The following ANP32B variants were observed in gnomAD, a reference collection of about 807,000 sequenced individuals.
ANP32B encodes the protein acidic leucine-rich nuclear phosphoprotein 32 family member B.
In ANP32B, 6 loss-of-function variants were observed where a neutral mutation model predicts 32.2. The observed-to-expected ratio is 0.19, with a 90% CI of 0.10 to 0.37. The LOEUF (loss-of-function observed/expected upper bound fraction) is 0.37, where lower values mean the gene tolerates loss of function less well. ANP32B is among the 10% of genes least tolerant of loss of function. ANP32B has a pLI of 1.00. For synonymous variants in ANP32B, 98 were observed against 105.8 expected, an observed-to-expected ratio of 0.93 and a Z score of 0.45; for missense variants, 204 against 289.2, an observed-to-expected ratio of 0.71 and a Z score of 2.14.
At chr9:97,994,814 G>A (rs746441666) in intron 2 of ANP32B, 34 bp downstream of exon 2, 4 of 1,553,900 alleles carry the variant, frequency 2.6e-6, no homozygotes, top group South Asian at 2.4e-5. Flanking sequence ...AAAAGAGAAC[G>A]ATCCTGGGAA....
At chr9:98,004,294 A>G (rs1387978531) in intron 3 of ANP32B, among the ~76,000 whole-genome samples, 1 of 152,182 alleles carries the variant, frequency 6.6e-6, no homozygotes, top group Non-Finnish European at 1.5e-5. Context: ...TTACATCATA[A>G]AAGTCTGGTA....
intron 3 of ANP32B, among the ~76,000 whole-genome samples, chr9:98,001,957 A>C (rs1430015451): frequency 2.0e-5 from 3 of 152,166 alleles, no homozygotes; most frequent in Non-Finnish European, 4.4e-5. Flanking sequence ...CCAGAGTCAC[A>C]CACCCTGTGG....
chr9:97,990,460 C>G (rs147981389), intron 1 of ANP32B, among the ~76,000 whole-genome samples: 1 of 152,336 alleles, frequency 6.6e-6, no homozygotes, highest in Non-Finnish European at 1.5e-5. Flanking sequence ...TCCCATTCTC[C>G]TCTGTGCTTA....
At chr9:97,986,082 A>G (rs947561740) in intron 1 of ANP32B, among the ~76,000 whole-genome samples, 1 of 151,932 alleles carries the variant, frequency 6.6e-6, no homozygotes, top group Non-Finnish European at 1.5e-5. Context: ...CGGCCTCCCA[A>G]AGTGCTGGGA....
chr9:97,985,948 C>T (rs942441999), intron 1 of ANP32B, among the ~76,000 whole-genome samples: 1 of 152,154 alleles, frequency 6.6e-6, no homozygotes, highest in Middle Eastern at 3.2e-3. Context: ...CAACCTCCCG[C>T]GTAGCTGGGA....
At position 97,994,498 on chromosome 9, in the gene ANP32B, G is replaced by C. The variant is rs112155299; in HGVS notation, c.55-133G>C. The C allele has an allele frequency of 1.4e-3, 1,018 of 753,806 alleles. 10 individuals carry two copies. The African/African-American group carries it at 0.016, about 12-fold the overall frequency. The allele number at this position is 753,806 out of a possible 1,614,324, so 46.7% of individuals were successfully genotyped here. ...TCAGTTTTTATCTTTTTATAACTAT[G>C]ATCTAGGTCTAAGTAAGAGGCTGCC... On this transcript the variant is annotated intron_variant, in intron 1 of 6. Coordinates refer to ENST00000339399, the MANE Select transcript of ANP32B (RefSeq NM_006401.3).
In ANP32B at chr9:97,996,121, T is replaced by C. The variant is rs149762889; in HGVS notation, c.204+1341T>C. 3.4e-3 allele frequency among the ~76,000 whole-genome samples: 512 copies of C among 152,292 alleles called. 3 individuals carry two copies. Among genetic ancestry groups the C allele is most frequent in the African/African-American group, 0.012 (483 of 41,564 alleles). Reference sequence around the variant, plus strand: ...TACTAGAGGTTCAAGTATAATTCTTTTATATTTGCATGGGTTATCAGTGAC... The same window carrying C: ...TACTAGAGGTTCAAGTATAATTCTTCTATATTTGCATGGGTTATCAGTGAC... On this transcript the variant is annotated intron_variant, in intron 2 of 6. Coordinates refer to ENST00000339399, the MANE Select transcript of ANP32B (RefSeq NM_006401.3).
At chr9:98,005,566 G>C (rs1327545107) in intron 4 of ANP32B, among the ~76,000 whole-genome samples, 1 of 152,090 alleles carries the variant, frequency 6.6e-6, no homozygotes, top group African/African-American at 2.4e-5. Context: ...AAAATAGTGT[G>C]TGTTTGTGTG....
chr9:98,010,712 A>G (rs761366045), intron 4 of ANP32B, among the ~76,000 whole-genome samples: 2 of 152,170 alleles, frequency 1.3e-5, no homozygotes, highest in Non-Finnish European at 2.9e-5. Context: ...CCGAACAACC[A>G]GCTAGAGATG....
chr9:97,999,244 G>T (rs554141901), intron 3 of ANP32B, among the ~76,000 whole-genome samples: 40 of 152,274 alleles, frequency 2.6e-4, no homozygotes, highest in African/African-American at 9.4e-4. Flanking sequence ...ATTTTTGGGG[G>T]TATTTTGTTT....
intron 5 of ANP32B, 35 bp downstream of exon 5, chr9:98,011,424 T>G (rs766136930): frequency 1.3e-6 from 2 of 1,562,204 alleles, no homozygotes; most frequent in Non-Finnish European, 1.7e-6. Flanking sequence ...GCTTCCTATT[T>G]GTAATTACAA....
intron 5 of ANP32B, 97 bp from the exon 6 acceptor site, chr9:98,012,324 C>G: frequency 7.4e-7 from 1 of 1,357,856 alleles, no homozygotes. Flanking sequence ...GATATTGTTG[C>G]ATTTATTTGT....
At chr9:97,995,168 A>G (rs1827884806) in intron 2 of ANP32B, among the ~76,000 whole-genome samples, 1 of 152,238 alleles carries the variant, frequency 6.6e-6, no homozygotes, top group Non-Finnish European at 1.5e-5. Flanking sequence ...CAACATAAAA[A>G]TGTTTTCTCT....
chr9:97,987,822 C>T (rs973126527), intron 1 of ANP32B, among the ~76,000 whole-genome samples: 6 of 151,992 alleles, frequency 3.9e-5, no homozygotes, highest in African/African-American at 1.5e-4. Context: ...TGATCCGCAC[C>T]CCCTCCCCAG....
chr9:97,984,838 CGCGCCGG>C (rs1274974127), intron 1 of ANP32B: 1 of 150,432 alleles, frequency 6.6e-6, no homozygotes, highest in African/African-American at 2.4e-5. Context: ...GCCCCCGCCC[CGCGCCGG>C]GCGCGCGGGA....
chr9:98,003,798 A>G (rs1394366596), intron 3 of ANP32B, among the ~76,000 whole-genome samples: 2 of 152,218 alleles, frequency 1.3e-5, no homozygotes, highest in Non-Finnish European at 2.9e-5. Flanking sequence ...TTTTAGTACT[A>G]TCTTCTTAGA....
intron 1 of ANP32B, among the ~76,000 whole-genome samples, 158 bp downstream of exon 1, chr9:97,983,767 C>A (rs1360910777): frequency 6.6e-6 from 1 of 151,084 alleles, no homozygotes; most frequent in Non-Finnish European, 1.5e-5. Context: ...GAGGGGGGAG[C>A]GAGCGCGCGA....
In ANP32B at chr9:98,011,332, A is replaced by C; in HGVS notation, c.579A>C (p.Glu193Asp). The change falls in exon 5 of 7, where the codon GAA (glutamate) becomes GAC (aspartate). Residue 193 changes from glutamate (E) to aspartate (D), a missense_variant. Coordinates refer to ENST00000339399, the MANE Select transcript of ANP32B (RefSeq NM_006401.3). The part of the protein sequence containing the change: ...EDGEEEEFDE[E>D]DDEDEDVEGD... ...GTGAAGAAGAGGAGTTTGATGAAGA[A>C]GATGATGAAGATGAAGATGTAGAAG... 2 of 1,550,294 alleles carry C rather than the reference A, an allele frequency of 1.3e-6. No homozygotes were observed. The highest frequency in any genetic ancestry group is 1.7e-6 in the Non-Finnish European group (2 of 1,143,026).
chr9:97,994,704 A>G lies in ANP32B; in HGVS notation c.128A>G (p.Asn43Ser). Residue 43 changes from asparagine to serine, a missense_variant, in exon 2 of 7, where the codon AAC becomes AGC. By Grantham distance (46) the Asn-to-Ser change is conservative. Coordinates refer to ENST00000339399, the MANE Select transcript of ANP32B (RefSeq NM_006401.3). ...GAGGGCTTAACAGCTGAATTTGTGA[A>G]CTTAGAGTTCCTCAGTTTAATAAAT... ...KIEGLTAEFV[N>S]LEFLSLINVG... 1 of 1,612,502 alleles carries G rather than the reference A, an allele frequency of 6.2e-7. No homozygotes were observed.
Sources: allele counts gnomAD v4.1 joint callset (sites outside exome capture counted in the v4.1 genomes callset), GRCh38; gene constraint gnomAD v4.1.1; transcripts MANE v1.5; gene names NCBI Gene and HGNC (gene_info 2026-07-23, HGNC 2026-07-21).